ARHGAP10: variants seen among roughly 807,000 people sequenced by gnomAD.
The protein encoded by ARHGAP10 is Rho GTPase activating protein 10, also known as rho GTPase-activating protein 10.
Under a neutral mutation model 108.6 loss-of-function variants are expected in ARHGAP10, and 87 were observed. The observed-to-expected ratio is 0.80, with a 90% CI of 0.67 to 0.96. ARHGAP10 has a LOEUF of 0.96. Among genes scored for constraint, ARHGAP10 ranks in the 40% least tolerant of loss-of-function variants. The probability of loss-of-function intolerance (pLI) is 0.00; values close to 1 mark genes in which losing one functional copy is unlikely to be tolerated. For synonymous variants in ARHGAP10, 347 were observed against 341.1 expected, an observed-to-expected ratio of 1.02 and a Z score of -0.19; for missense variants, 939 against 954.5, an observed-to-expected ratio of 0.98 and a Z score of 0.21.
At chr4:147,808,606 T>C (rs1731881232) in intron 1 of ARHGAP10, among the ~76,000 whole-genome samples, 1 of 151,978 alleles carries the variant, frequency 6.6e-6, no homozygotes, top group African/African-American at 2.4e-5. Flanking sequence ...ACAGTGGAGA[T>C]AGAGAAGTGA....
At chr4:147,981,570 G>A (rs1305940773) in intron 18 of ARHGAP10, among the ~76,000 whole-genome samples, 3 of 152,146 alleles carry the variant, frequency 2.0e-5, no homozygotes, top group East Asian at 1.9e-4. Flanking sequence ...TATTAGGTCC[G>A]GTTAGTCAAG....
chr4:147,865,521 G>A (rs928065357), intron 6 of ARHGAP10: 1 of 152,340 alleles, frequency 6.6e-6, no homozygotes, highest in African/African-American at 2.4e-5. Context: ...TATATATGAA[G>A]ATGTATGCAC....
intron 19 of ARHGAP10, among the ~76,000 whole-genome samples, chr4:148,026,934 T>C (rs1405602260): frequency 1.3e-5 from 2 of 152,192 alleles, no homozygotes; most frequent in Admixed American, 1.3e-4. Flanking sequence ...AAATATATGT[T>C]ATGTGTTTAT....
intron 1 of ARHGAP10, among the ~76,000 whole-genome samples, chr4:147,752,242 C>T (rs1049770159): frequency 6.6e-6 from 1 of 152,074 alleles, no homozygotes; most frequent in Non-Finnish European, 1.5e-5. Context: ...TTTCACAGAT[C>T]TGATTTGGGG....
intron 15 of ARHGAP10, 98 bp downstream of exon 15, chr4:147,946,802 A>G: frequency 1.0e-6 from 1 of 978,552 alleles, no homozygotes; most frequent in Non-Finnish European, 1.4e-6. Context: ...TAGTTAAATT[A>G]AGCCTTATTT....
intron 1 of ARHGAP10, among the ~76,000 whole-genome samples, chr4:147,758,287 T>A (rs1482911308): frequency 6.6e-6 from 1 of 151,936 alleles, no homozygotes; most frequent in African/African-American, 2.4e-5. Context: ...AAGATTTTGA[T>A]GTAGTTATGT....
At chr4:148,059,258 A>G (rs539690082) in intron 20 of ARHGAP10, among the ~76,000 whole-genome samples, 107 of 152,276 alleles carry the variant, frequency 7.0e-4, no homozygotes, top group Non-Finnish European at 1.1e-3. Context: ...CTGTCTTGGT[A>G]AACGTGGTTT....
At chr4:147,859,097 G>A (rs1286892887) in intron 5 of ARHGAP10, among the ~76,000 whole-genome samples, 4 of 152,016 alleles carry the variant, frequency 2.6e-5, no homozygotes, top group African/African-American at 7.3e-5. Flanking sequence ...ATATACTCAG[G>A]GCCGTTGTAT....
At chr4:147,965,328 C>T (rs1005483684) in intron 17 of ARHGAP10, among the ~76,000 whole-genome samples, 199 bp downstream of exon 17, 1 of 152,110 alleles carries the variant, frequency 6.6e-6, no homozygotes, top group Admixed American at 6.5e-5. Flanking sequence ...ACATCTCTGC[C>T]AGCAACTCAG....
chr4:147,780,902 A>G (rs916841047), intron 1 of ARHGAP10, among the ~76,000 whole-genome samples: 25 of 152,092 alleles, frequency 1.6e-4, no homozygotes, highest in African/African-American at 2.2e-4. Context: ...GGTATCATCA[A>G]TTTTGTGTGG....
chr4:148,003,277 A>G (rs1740805119), intron 18 of ARHGAP10, among the ~76,000 whole-genome samples: 1 of 152,108 alleles, frequency 6.6e-6, no homozygotes, highest in Admixed American at 6.5e-5. Context: ...GTGGTCTGAG[A>G]GATAGTTTGT....
At chr4:148,002,806 T>A (rs2149646828) in intron 18 of ARHGAP10, among the ~76,000 whole-genome samples, 1 of 152,352 alleles carries the variant, frequency 6.6e-6, no homozygotes, top group East Asian at 1.9e-4. Context: ...TTTTCTCTTT[T>A]CTTCTTTATT....
chr4:147,904,515 T>G (rs946657947), intron 10 of ARHGAP10, among the ~76,000 whole-genome samples: 8 of 152,074 alleles, frequency 5.3e-5, no homozygotes, highest in South Asian at 2.1e-4. Context: ...AGTTTACTGA[T>G]AATGATGATT....
At chr4:147,929,558 G>T (rs1315320336) in intron 13 of ARHGAP10, among the ~76,000 whole-genome samples, 1 of 152,124 alleles carries the variant, frequency 6.6e-6, no homozygotes, top group African/African-American at 2.4e-5. Flanking sequence ...AGTGCTTACT[G>T]AGGACTAGTT....
chr4:147,899,493 T>C (rs1736142283), intron 10 of ARHGAP10, among the ~76,000 whole-genome samples: 1 of 152,202 alleles, frequency 6.6e-6, no homozygotes, highest in South Asian at 2.1e-4. Flanking sequence ...CTTGTTCTTA[T>C]TGGTAGAGTG....
chr4:147,833,126 T>A (rs1412799820), intron 3 of ARHGAP10, among the ~76,000 whole-genome samples: 2 of 152,142 alleles, frequency 1.3e-5, no homozygotes, highest in African/African-American at 4.8e-5. Context: ...AAATGATGCA[T>A]CTCCAGTATT....
At chr4:148,011,939 C>A (rs184078630) in intron 18 of ARHGAP10, among the ~76,000 whole-genome samples, 1 of 152,156 alleles carries the variant, frequency 6.6e-6, no homozygotes, top group Non-Finnish European at 1.5e-5. Flanking sequence ...AGTAACTAAA[C>A]GCGTAAGAAT....
intron 18 of ARHGAP10, among the ~76,000 whole-genome samples, chr4:147,988,417 G>A (rs1420595168): frequency 2.0e-5 from 3 of 152,070 alleles, no homozygotes; most frequent in Non-Finnish European, 4.4e-5. Context: ...TCTCCTGGCT[G>A]GTCCTCTGGC....
chr4:147,979,840 G>A (rs61080266), intron 18 of ARHGAP10, among the ~76,000 whole-genome samples: 14,785 of 152,164 alleles, frequency 0.097, 1,664 homozygotes, highest in African/African-American at 0.27. Context: ...CAGCTCAGAT[G>A]TTACTGATAT....
Sources: allele counts gnomAD v4.1 joint callset (sites outside exome capture counted in the v4.1 genomes callset), GRCh38; gene constraint gnomAD v4.1.1; transcripts MANE v1.5; gene names NCBI Gene and HGNC (gene_info 2026-07-23, HGNC 2026-07-21).